The following CA1 variants were observed in gnomAD, a reference collection of about 807,000 sequenced individuals.
CA1 encodes carbonate dehydratase I.
A neutral mutation model predicts 28.8 loss-of-function variants in CA1; 27 were observed. That is an observed-to-expected ratio of 0.94 (90% confidence interval 0.69 to 1.29). CA1 has a LOEUF of 1.29. CA1 is among the 50% of genes most tolerant of loss of function. The pLI is 0.00. For synonymous variants in CA1, 121 were observed against 108.8 expected (o/e 1.11, Z -0.70); for missense variants, 335 against 310.5 (o/e 1.08, Z -0.59).
At chr8:85,339,925 G>C (rs1564026167) in intron 2 of CA1, among the ~76,000 whole-genome samples, 1 of 152,206 alleles carries the variant, frequency 6.6e-6, no homozygotes, top group African/African-American at 2.4e-5. Context: ...AGAAAAGTTA[G>C]AAGCTAGTCG....
rs1808247760 is a variant in CA1 at position 85,328,140 on chromosome 8, A to G, written c.*420T>C. 6.3e-6 allele frequency: 1 copy of G among 158,926 alleles called. No homozygotes were observed. Among genetic ancestry groups the G allele is most frequent in the Admixed American group, 6.3e-5 (1 of 15,912 alleles). The allele number at this position is 158,926 out of a possible 1,614,324, so 9.8% of individuals were successfully genotyped here. The stretch of plus-strand genomic sequence containing the variant: ...CTCTTAGGTTGTTGTATTTGAAGCA[A>G]AATACTCTTGCAAGTAAAGTATTTA... On this transcript the variant is annotated 3_prime_UTR_variant, in exon 8 of 8. Coordinates refer to ENST00000523022, the MANE Select transcript of CA1 (RefSeq NM_001128831.4).
At chr8:85,344,244 TTATATATTA>T (rs1809066154) in intron 1 of CA1, among the ~76,000 whole-genome samples, 1 of 93,362 alleles carries the variant, frequency 1.1e-5, no homozygotes, top group Non-Finnish European at 1.8e-5. Context: ...TAATATATAA[TTATATATTA>T]TATACAGTAT....
At chr8:85,350,916 G>T (rs899041317) in intron 1 of CA1, among the ~76,000 whole-genome samples, 2 of 152,064 alleles carry the variant, frequency 1.3e-5, no homozygotes, top group Non-Finnish European at 2.9e-5. Flanking sequence ...ATTCCTAGGG[G>T]TGCTTGCTAG....
chr8:85,373,047 G>A (rs935059227), intron 1 of CA1, among the ~76,000 whole-genome samples: 1 of 152,118 alleles, frequency 6.6e-6, no homozygotes, highest in Non-Finnish European at 1.5e-5. Context: ...ATAAGGAGAG[G>A]AAAAAAGTCA....
chr8:85,341,513 A>G, intron 2 of CA1, 86 bp downstream of exon 2: 4 of 843,290 alleles, frequency 4.7e-6, no homozygotes, highest in South Asian at 2.7e-5. Context: ...CTATAGCTGT[A>G]CAATTATTTT....
intron 1 of CA1, among the ~76,000 whole-genome samples, chr8:85,348,326 A>G (rs377204662): frequency 6.6e-6 from 1 of 152,184 alleles, no homozygotes; most frequent in South Asian, 2.1e-4. Context: ...CTTGCTCTGC[A>G]GTAGTTTTTA....
At chr8:85,374,652 G>A in intron 1 of CA1, among the ~76,000 whole-genome samples, 1 of 152,100 alleles carries the variant, frequency 6.6e-6, no homozygotes, top group East Asian at 1.9e-4. Context: ...CTGGATGATT[G>A]AAATTATTTT....
intron 1 of CA1, among the ~76,000 whole-genome samples, chr8:85,344,302 AATTATATAT>A (rs1809086778): frequency 2.3e-5 from 2 of 86,014 alleles, no homozygotes; most frequent in Non-Finnish European, 4.6e-5. Flanking sequence ...TATATAATAT[AATTATATAT>A]TATACAGTAT....
In CA1 at chr8:85,334,176, T is replaced by G. The variant is rs1808539805; in HGVS notation, c.355-556A>C. On this transcript the variant is annotated intron_variant, in intron 4 of 7. Coordinates refer to ENST00000523022, the MANE Select transcript of CA1 (RefSeq NM_001128831.4). ...TATTCTTGATATCTCTACATGGATG[T>G]CTAATAGATGTTTCAGACTTAATCT... Among the ~76,000 whole-genome samples, 4 of 152,256 alleles carry G rather than the reference T, an allele frequency of 2.6e-5. No individual in the cohort carries two copies. The South Asian group carries it at 8.3e-4, about 31-fold the overall frequency.
intron 1 of CA1, among the ~76,000 whole-genome samples, chr8:85,344,997 T>C (rs1054248998): frequency 1.3e-5 from 2 of 152,166 alleles, no homozygotes; most frequent in African/African-American, 2.4e-5. Flanking sequence ...GCAAGATAAA[T>C]CTTATTTCCA....
At chr8:85,375,046 T>C (rs1256394879) in intron 1 of CA1, among the ~76,000 whole-genome samples, 1 of 152,204 alleles carries the variant, frequency 6.6e-6, no homozygotes, top group Non-Finnish European at 1.5e-5. Context: ...GCAAATTTTA[T>C]ATAAAACATA....
intron 3 of CA1, 148 bp downstream of exon 3, chr8:85,338,104 C>T (rs766742103): frequency 1.4e-5 from 11 of 806,630 alleles, no homozygotes; most frequent in African/African-American, 1.0e-4. Flanking sequence ...GGGCGTTTTC[C>T]AGAAGTCCAA....
intron 1 of CA1, among the ~76,000 whole-genome samples, chr8:85,367,118 T>A (rs923111906): frequency 2.0e-5 from 3 of 151,996 alleles, no homozygotes; most frequent in Admixed American, 6.5e-5. Context: ...TAAAATTTTT[T>A]AAAAATTAAA....
intron 1 of CA1, among the ~76,000 whole-genome samples, chr8:85,374,546 G>GT (rs1438579989): frequency 1.3e-5 from 2 of 152,126 alleles, no homozygotes; most frequent in Non-Finnish European, 2.9e-5. Flanking sequence ...TTAATCGTAC[G>GT]TAAGACATTA....
chr8:85,371,346 T>C (rs1320033176), intron 1 of CA1, among the ~76,000 whole-genome samples: 2 of 152,218 alleles, frequency 1.3e-5, no homozygotes, highest in Non-Finnish European at 2.9e-5. Context: ...CTTTTGGTCA[T>C]GCATTCCTTT....
intron 1 of CA1, among the ~76,000 whole-genome samples, chr8:85,376,985 G>A (rs1228081000): frequency 6.6e-6 from 1 of 152,114 alleles, no homozygotes; most frequent in Non-Finnish European, 1.5e-5. Context: ...ACAATACTGG[G>A]AGAAGAGAGA....
intron 1 of CA1, among the ~76,000 whole-genome samples, chr8:85,356,890 C>G (rs1809624610): frequency 6.6e-6 from 1 of 152,114 alleles, no homozygotes; most frequent in African/African-American, 2.4e-5. Context: ...AGCTCTAAAA[C>G]CATTGACAAA....
intron 1 of CA1, among the ~76,000 whole-genome samples, chr8:85,344,257 ACAG>A (rs1809069592): frequency 1.1e-5 from 1 of 94,514 alleles, no homozygotes; most frequent in Non-Finnish European, 1.9e-5. Context: ...TATATTATAT[ACAG>A]TATATAATAT....
At chr8:85,355,611 G>A (rs531353264) in intron 1 of CA1, among the ~76,000 whole-genome samples, 1 of 147,184 alleles carries the variant, frequency 6.8e-6, no homozygotes, top group Non-Finnish European at 1.5e-5. Flanking sequence ...ATTTTGCTCA[G>A]GCTGGTCTTG....
Sources: allele counts gnomAD v4.1 joint callset (sites outside exome capture counted in the v4.1 genomes callset), GRCh38; gene constraint gnomAD v4.1.1; transcripts MANE v1.5; gene names NCBI Gene and HGNC (gene_info 2026-07-23, HGNC 2026-07-21).